Variants in RTL4 observed in about 807,000 individuals in gnomAD.
RTL4 encodes the protein retrotransposon Gag-like protein 4.
RTL4 carries 4 observed loss-of-function variants against 5.3 expected under a neutral mutation model. The ratio of observed to expected loss-of-function variants is 0.75; its 90% CI spans 0.37 to 1.72. The LOEUF is 1.72. Ranked by LOEUF, RTL4 falls within the 40% of genes most tolerant of loss-of-function variation. The pLI is 0.04. For synonymous variants in RTL4, 98 were observed against 87.3 expected, an observed-to-expected ratio of 1.12 and a Z score of -0.68; for missense variants, 260 against 227.1, an observed-to-expected ratio of 1.14 and a Z score of -0.93.
chrX:112,303,753 A>G, the RTL4 span, among the ~76,000 whole-genome samples: 12 of 105,551 alleles, frequency 1.1e-4, no homozygotes, highest in South Asian at 5.0e-3. Flanking sequence ...AACTTAAAGT[A>G]TAATAATAAT....
chrX:112,270,532 C>T, the RTL4 span, among the ~76,000 whole-genome samples: 1 of 111,609 alleles, frequency 9.0e-6, no homozygotes, highest in Non-Finnish European at 1.9e-5. Context: ...GACAGGTAAA[C>T]TTTGTTAAGA....
the RTL4 span, among the ~76,000 whole-genome samples, chrX:112,177,053 G>GT: frequency 1.3e-3 from 135 of 103,311 alleles, no homozygotes; most frequent in Middle Eastern, 0.015. Context: ...TATGGTGTTG[G>GT]TTTTTTTTTT....
the RTL4 span, among the ~76,000 whole-genome samples, chrX:112,388,419 A>G: frequency 8.9e-6 from 1 of 112,046 alleles, no homozygotes; most frequent in African/African-American, 3.2e-5. Context: ...ATCTTGCCTG[A>G]TTGCTCTAGC....
the RTL4 span, among the ~76,000 whole-genome samples, chrX:112,207,103 C>T: frequency 8.9e-6 from 1 of 111,737 alleles, no homozygotes; most frequent in Non-Finnish European, 1.9e-5. Context: ...ATAATAGTCT[C>T]CTTAATGCTT....
the RTL4 span, among the ~76,000 whole-genome samples, chrX:112,171,270 A>T: frequency 5.4e-5 from 6 of 111,751 alleles, no homozygotes; most frequent in Admixed American, 9.5e-5. Flanking sequence ...TTGGCCTCAT[A>T]AAATGACTTA....
the RTL4 span, among the ~76,000 whole-genome samples, chrX:112,325,866 C>T: frequency 1.8e-5 from 2 of 112,003 alleles, no homozygotes; most frequent in Admixed American, 9.5e-5. Context: ...GAACACGCAA[C>T]CTACAGAATG....
chrX:112,177,890 C>G, the RTL4 span, among the ~76,000 whole-genome samples: 1 of 109,696 alleles, frequency 9.1e-6, no homozygotes, highest in Non-Finnish European at 1.9e-5. Context: ...TCTACTCTGT[C>G]TTTGTAGTGC....
chrX:112,320,202 TC>T, the RTL4 span: 1 of 113,778 alleles, frequency 8.8e-6, no homozygotes, highest in Non-Finnish European at 1.9e-5. Context: ...TCTTGATGCC[TC>T]CCCCTGGTAA....
the RTL4 span, among the ~76,000 whole-genome samples, chrX:112,202,547 A>ATTATTATTC: frequency 2.0e-5 from 2 of 99,433 alleles, no homozygotes; most frequent in Non-Finnish European, 3.9e-5. Flanking sequence ...CATTATTATT[A>ATTATTATTC]TTATTATTAT....
At chrX:112,329,193 A>C in the RTL4 span, among the ~76,000 whole-genome samples, 210 of 111,362 alleles carry the variant, frequency 1.9e-3, no homozygotes, top group African/African-American at 6.5e-3. Context: ...ACACAAAAAA[A>C]CCTTCAAAAA....
the RTL4 span, among the ~76,000 whole-genome samples, chrX:112,373,196 T>A: frequency 8.9e-6 from 1 of 111,760 alleles, no homozygotes; most frequent in Admixed American, 9.5e-5. Context: ...TATGTATGTA[T>A]ACATTCAACT....
the RTL4 span, among the ~76,000 whole-genome samples, chrX:112,435,298 A>G: frequency 1.5e-3 from 170 of 111,895 alleles, no homozygotes; most frequent in African/African-American, 5.2e-3. Context: ...ACATGTTTCA[A>G]TTCTTCAGAA....
the RTL4 span, among the ~76,000 whole-genome samples, chrX:112,437,802 ATGGTGGTGGTGGTGGTGG>A: frequency 1.6e-4 from 12 of 77,010 alleles, no homozygotes; most frequent in Middle Eastern, 6.5e-3. Context: ...GGTGGTGGTG[ATGGTGGTGGTGGTGGTGG>A]TGGTGGTGGT....
At chrX:112,303,751 G>A in the RTL4 span, among the ~76,000 whole-genome samples, 2 of 97,862 alleles carry the variant, frequency 2.0e-5, no homozygotes, top group Non-Finnish European at 4.0e-5. Context: ...AAAACTTAAA[G>A]TATAATAATA....
At chrX:112,099,466 C>T in the RTL4 span, among the ~76,000 whole-genome samples, 1 of 111,162 alleles carries the variant, frequency 9.0e-6, no homozygotes, top group African/African-American at 3.3e-5. Flanking sequence ...CAAAGAAAGA[C>T]TATAGAGAAA....
At chrX:112,091,422 T>A in the RTL4 span, among the ~76,000 whole-genome samples, 1 of 112,005 alleles carries the variant, frequency 8.9e-6, no homozygotes, top group Non-Finnish European at 1.9e-5. Flanking sequence ...TCACATAAGT[T>A]TGGTAGATTG....
chrX:112,262,233 A>G, the RTL4 span, among the ~76,000 whole-genome samples: 1 of 112,142 alleles, frequency 8.9e-6, no homozygotes, highest in African/African-American at 3.2e-5. Flanking sequence ...CAGCAAAAGA[A>G]ACTACCATCA....
the RTL4 span, among the ~76,000 whole-genome samples, chrX:112,277,967 A>G: frequency 1.8e-4 from 20 of 112,298 alleles, no homozygotes; most frequent in Non-Finnish European, 3.4e-4. Context: ...GATGTTATAT[A>G]GAGCACTGTT....
At chrX:112,274,402 A>T in the RTL4 span, among the ~76,000 whole-genome samples, 10 of 111,975 alleles carry the variant, frequency 8.9e-5, no homozygotes, top group Admixed American at 9.5e-4. Context: ...ACTTTAGGGG[A>T]TTTGCAGTGC....
Sources: gnomAD v4.1 joint callset for allele counts (sites outside exome capture counted in the v4.1 genomes callset) on GRCh38, gnomAD v4.1.1 for gene constraint, MANE v1.5 for transcripts, NCBI Gene and HGNC (gene_info 2026-07-23, HGNC 2026-07-21) for gene names.